MAD1L1: variants seen among roughly 807,000 people sequenced by gnomAD.
The protein encoded by MAD1L1 is mitotic arrest deficient 1 like 1, also known as mitotic spindle assembly checkpoint protein MAD1.
MAD1L1 carries 95 observed loss-of-function variants against 96.9 expected under a neutral mutation model. That is an observed-to-expected ratio of 0.98 (90% confidence interval 0.83 to 1.16). The LOEUF is 1.16. Among genes scored for constraint, MAD1L1 ranks in the 50% most tolerant of loss-of-function variants. MAD1L1 has a pLI of 0.00. For synonymous variants in MAD1L1, 473 were observed against 396.6 expected (o/e 1.19, Z -2.29); for missense variants, 1,007 against 954.4 (o/e 1.06, Z -0.73).
intron 13 of MAD1L1, among the ~76,000 whole-genome samples, chr7:2,005,884 G>C (rs896305590): frequency 2.6e-5 from 4 of 152,168 alleles, no homozygotes; most frequent in African/African-American, 9.7e-5. Context: ...ATGGCCAAAT[G>C]GGACACTGCA....
intron 16 of MAD1L1, among the ~76,000 whole-genome samples, chr7:1,950,181 A>G (rs1210502873): frequency 6.6e-6 from 1 of 152,222 alleles, no homozygotes; most frequent in African/African-American, 2.4e-5. Context: ...GCTGGGTCCC[A>G]GTTCCACCAG....
chr7:1,854,214 A>T (rs912390540), intron 18 of MAD1L1: 17 of 332,834 alleles, frequency 5.1e-5, no homozygotes, highest in South Asian at 3.8e-4. Context: ...CACCCAGGAC[A>T]GGCCGCACCC....
chr7:2,078,779 C>T (rs769885478), intron 11 of MAD1L1, among the ~76,000 whole-genome samples: 1 of 152,208 alleles, frequency 6.6e-6, no homozygotes, highest in Non-Finnish European at 1.5e-5. Context: ...GCATGCCTCG[C>T]TGAGGACTTG....
At chr7:1,883,337 T>G (rs959337024) in intron 18 of MAD1L1, among the ~76,000 whole-genome samples, 1 of 152,114 alleles carries the variant, frequency 6.6e-6, no homozygotes, top group Non-Finnish European at 1.5e-5. Flanking sequence ...ACCCCTGGTA[T>G]GTAGGAGCTC....
chr7:2,217,321 A>G (rs558647942), intron 7 of MAD1L1, among the ~76,000 whole-genome samples: 1 of 152,360 alleles, frequency 6.6e-6, no homozygotes, highest in African/African-American at 2.4e-5. Context: ...TCGCCCTGCC[A>G]GCCAGAAAAT....
At chr7:1,878,585 T>G (rs1474411399) in intron 18 of MAD1L1, among the ~76,000 whole-genome samples, 2 of 139,176 alleles carry the variant, frequency 1.4e-5, no homozygotes, top group Admixed American at 7.3e-5. Flanking sequence ...AAAAAAAAAC[T>G]GACAAAATTC....
At chr7:2,118,507 G>A (rs534115101) in intron 11 of MAD1L1, among the ~76,000 whole-genome samples, 1 of 152,374 alleles carries the variant, frequency 6.6e-6, no homozygotes, top group South Asian at 2.1e-4. Context: ...TCCGTAGTGC[G>A]TGGCATGAAC....
chr7:2,046,456 A>G (rs1438513830), intron 12 of MAD1L1, among the ~76,000 whole-genome samples: 3 of 121,502 alleles, frequency 2.5e-5, no homozygotes, highest in African/African-American at 9.4e-5. Flanking sequence ...GGCACTGCCC[A>G]TGAAATGATT....
chr7:2,223,153 T>C (rs1793700197), intron 4 of MAD1L1, among the ~76,000 whole-genome samples: 2 of 152,154 alleles, frequency 1.3e-5, no homozygotes, highest in African/African-American at 4.8e-5. Flanking sequence ...TGTCCGGCAC[T>C]GAAAGGAGCT....
chr7:1,865,270 AAAG>A (rs1172353454), intron 18 of MAD1L1, among the ~76,000 whole-genome samples: 1 of 150,920 alleles, frequency 6.6e-6, no homozygotes, highest in Non-Finnish European at 1.5e-5. Context: ...CTCCTTGGGG[AAAG>A]AAGGGCCAGA....
intron 10 of MAD1L1, among the ~76,000 whole-genome samples, chr7:2,211,447 C>A (rs1288490562): frequency 1.3e-5 from 2 of 152,244 alleles, no homozygotes; most frequent in Non-Finnish European, 2.9e-5. Flanking sequence ...CCGACTGACA[C>A]CCAGTGCTCC....
At chr7:2,169,850 C>T (rs1790627682) in intron 10 of MAD1L1, among the ~76,000 whole-genome samples, 1 of 122,576 alleles carries the variant, frequency 8.2e-6, no homozygotes, top group Non-Finnish European at 1.7e-5. Flanking sequence ...ACTGGGGGCA[C>T]TCGGAGCAGG....
intron 11 of MAD1L1, among the ~76,000 whole-genome samples, chr7:2,085,433 C>T (rs994853380): frequency 1.3e-5 from 2 of 152,232 alleles, no homozygotes; most frequent in East Asian, 3.8e-4. Flanking sequence ...CATTGCCTCT[C>T]GGCCACCTGG....
At chr7:1,871,696 A>C (rs894011564) in intron 18 of MAD1L1, among the ~76,000 whole-genome samples, 2 of 121,576 alleles carry the variant, frequency 1.6e-5, no homozygotes, top group Non-Finnish European at 1.7e-5. Flanking sequence ...CCAACATAAC[A>C]CCTGCCACGC....
intron 18 of MAD1L1, among the ~76,000 whole-genome samples, chr7:1,871,529 C>CTGAA (rs1367081798): frequency 2.2e-5 from 3 of 135,996 alleles, no homozygotes; most frequent in Non-Finnish European, 3.1e-5. Flanking sequence ...ACCTGCCACG[C>CTGAA]CGAACCCAAC....
At chr7:2,066,514 C>T (rs1025877123) in intron 12 of MAD1L1, among the ~76,000 whole-genome samples, 4 of 152,234 alleles carry the variant, frequency 2.6e-5, no homozygotes, top group East Asian at 1.9e-4. Context: ...AGAGCAGGCC[C>T]GCGAGCACAG....
chr7:1,894,631 C>T (rs1269062242), intron 18 of MAD1L1, among the ~76,000 whole-genome samples: 2 of 152,118 alleles, frequency 1.3e-5, no homozygotes, highest in Admixed American at 1.3e-4. Context: ...TCTAAAGGCC[C>T]ATATCCAGCA....
intron 12 of MAD1L1, among the ~76,000 whole-genome samples, chr7:2,030,775 G>A (rs981308300): frequency 3.9e-5 from 6 of 152,194 alleles, no homozygotes; most frequent in East Asian, 1.9e-4. Flanking sequence ...GAGGGTTTCC[G>A]GGGCCCCGTG....
chr7:2,123,721 G>A (rs1284073520), intron 11 of MAD1L1, among the ~76,000 whole-genome samples: 1 of 152,228 alleles, frequency 6.6e-6, no homozygotes, highest in Non-Finnish European at 1.5e-5. Context: ...TTCGCAGGCG[G>A]CGCTGAATCG....
Sources: allele counts gnomAD v4.1 joint callset (sites outside exome capture counted in the v4.1 genomes callset), GRCh38; gene constraint gnomAD v4.1.1; transcripts MANE v1.5; gene names NCBI Gene and HGNC (gene_info 2026-07-23, HGNC 2026-07-21).